Variants in MFHAS1 observed in about 807,000 individuals in gnomAD.
The protein encoded by MFHAS1 is multifunctional ROCO family signaling regulator 1, also known as malignant fibrous histiocytoma-amplified sequence 1.
MFHAS1 carries 50 observed loss-of-function variants against 70.4 expected under a neutral mutation model. That is an observed-to-expected ratio of 0.71 (90% CI 0.57 to 0.90). The LOEUF is 0.90. MFHAS1 is among the 40% of genes least tolerant of loss of function. MFHAS1 has a pLI of 0.00. For missense variants in MFHAS1, 1,795 were observed against 1,347.6 expected (o/e 1.33, Z -5.20); for synonymous variants, 952 against 620.0 (o/e 1.54, Z -7.96).
intron 1 of MFHAS1, among the ~76,000 whole-genome samples, chr8:8,860,303 T>G (rs1181068907): frequency 6.6e-6 from 1 of 152,134 alleles, no homozygotes; most frequent in African/African-American, 2.4e-5. Context: ...GTCAACAATC[T>G]CATCTGACTG....
chr8:8,808,556 AG>A (rs1354617106), intron 1 of MFHAS1, among the ~76,000 whole-genome samples: 1 of 152,254 alleles, frequency 6.6e-6, no homozygotes, highest in African/African-American at 2.4e-5. Context: ...TAATAAGGAA[AG>A]AAAAAAAATT....
At chr8:8,807,170 G>A (rs576968496) in intron 1 of MFHAS1, among the ~76,000 whole-genome samples, 1 of 152,226 alleles carries the variant, frequency 6.6e-6, no homozygotes, top group African/African-American at 2.4e-5. Context: ...AACCACAAGG[G>A]CAGGGACTAT....
chr8:8,786,161 T>C, intron 2 of MFHAS1, 106 bp from the exon 3 acceptor site: 1 of 1,075,870 alleles, frequency 9.3e-7, no homozygotes, highest in African/African-American at 1.6e-5. Flanking sequence ...TTTCTGCACA[T>C]ATTTTCATTT....
intron 1 of MFHAS1, among the ~76,000 whole-genome samples, chr8:8,843,473 C>A (rs990641168): frequency 1.3e-5 from 2 of 152,100 alleles, no homozygotes; most frequent in Non-Finnish European, 2.9e-5. Context: ...CCCAGCTACT[C>A]AGGATGCTGA....
At chr8:8,787,940 C>T (rs746589532) in intron 2 of MFHAS1, among the ~76,000 whole-genome samples, 4 of 152,186 alleles carry the variant, frequency 2.6e-5, no homozygotes, top group East Asian at 3.8e-4. Context: ...TTAGAGAAAA[C>T]AACCATCAAA....
At chr8:8,820,962 T>C (rs574049516) in intron 1 of MFHAS1, among the ~76,000 whole-genome samples, 7 of 152,258 alleles carry the variant, frequency 4.6e-5, no homozygotes, top group Admixed American at 1.3e-4. Flanking sequence ...AAGCAAGACC[T>C]GGCAATGCTT....
intron 1 of MFHAS1, among the ~76,000 whole-genome samples, chr8:8,882,110 G>C (rs1024847642): frequency 7.2e-5 from 11 of 152,166 alleles, no homozygotes; most frequent in African/African-American, 2.4e-4. Flanking sequence ...GCCGAGCATG[G>C]TGGCTCACAC....
intron 1 of MFHAS1, among the ~76,000 whole-genome samples, chr8:8,872,077 C>T (rs750034353): frequency 1.3e-5 from 2 of 152,128 alleles, no homozygotes; most frequent in Non-Finnish European, 2.9e-5. Context: ...TAAACATGCC[C>T]GGATGGCAAG....
intron 1 of MFHAS1, among the ~76,000 whole-genome samples, chr8:8,820,406 A>G (rs1806909608): frequency 1.3e-5 from 2 of 152,302 alleles, no homozygotes; most frequent in South Asian, 4.1e-4. Flanking sequence ...GAATCAAGCC[A>G]TAAGCATAAC....
In MFHAS1 at chr8:8,793,616, A is replaced by G. The variant is rs17154748; in HGVS notation, c.3125+3749T>C. Among the ~76,000 whole-genome samples the G allele has an allele frequency of 8.3e-3, 1,270 of 152,318 alleles. 20 individuals carry two copies. Among genetic ancestry groups the G allele is most frequent in the African/African-American group, 0.029 (1,198 of 41,558 alleles). ...CCTCTCCTGATTTGAACAGTGAGTG[A>G]TATGTTCACCTTACCTGAGAGTGGG... On this transcript the variant is annotated intron_variant, in intron 2 of 2. Coordinates refer to ENST00000276282, the MANE Select transcript of MFHAS1 (RefSeq NM_004225.3).
chr8:8,819,220 G>C (rs1464487520), intron 1 of MFHAS1, among the ~76,000 whole-genome samples: 1 of 152,124 alleles, frequency 6.6e-6, no homozygotes, highest in Non-Finnish European at 1.5e-5. Flanking sequence ...TGGGGTGGGA[G>C]ACTTTCTCTC....
chr8:8,812,216 T>C (rs1261578734), intron 1 of MFHAS1, among the ~76,000 whole-genome samples: 2 of 152,054 alleles, frequency 1.3e-5, no homozygotes, highest in Admixed American at 6.6e-5. Context: ...TAGTTGCAAA[T>C]GGCTTCCTTT....
At position 8,884,191 on chromosome 8, in the gene MFHAS1, T is replaced by G. The variant is rs409316; in HGVS notation, c.2998+5870A>C. On this transcript the variant is annotated intron_variant, in intron 1 of 2. Transcript: ENST00000276282. ...GGTTTAAAGAAGAGGCACCTAATAT[T>G]TAAAATAATTCAAATACTCCAAAGG... Among the ~76,000 whole-genome samples, 647 of 152,264 alleles carry G rather than the reference T, an allele frequency of 4.2e-3. 6 individuals are homozygous for G. The highest frequency in any genetic ancestry group is 0.015 in the African/African-American group (604 of 41,562).
At chr8:8,815,315 T>C (rs1321196698) in intron 1 of MFHAS1, among the ~76,000 whole-genome samples, 1 of 152,218 alleles carries the variant, frequency 6.6e-6, no homozygotes, top group African/African-American at 2.4e-5. Context: ...TGAATAGTGC[T>C]GCGATGAACA....
At chr8:8,880,997 G>C (rs189043807) in intron 1 of MFHAS1, among the ~76,000 whole-genome samples, 1 of 152,218 alleles carries the variant, frequency 6.6e-6, no homozygotes, top group African/African-American at 2.4e-5. Flanking sequence ...ACCTTCCTAA[G>C]ATGGGTGAAA....
At chr8:8,831,755 T>G (rs974557802) in intron 1 of MFHAS1, among the ~76,000 whole-genome samples, 2 of 151,994 alleles carry the variant, frequency 1.3e-5, no homozygotes, top group African/African-American at 4.8e-5. Flanking sequence ...ATTACAGGCA[T>G]GCGCCACCAC....
At chr8:8,878,757 A>G (rs1156842988) in intron 1 of MFHAS1, among the ~76,000 whole-genome samples, 1 of 152,158 alleles carries the variant, frequency 6.6e-6, no homozygotes, top group Non-Finnish European at 1.5e-5. Flanking sequence ...AAAATTCACT[A>G]CTGCTATAAC....
intron 1 of MFHAS1, 71 bp downstream of exon 1, chr8:8,889,990 T>C: frequency 7.7e-7 from 1 of 1,296,254 alleles, no homozygotes; most frequent in East Asian, 2.3e-5. Flanking sequence ...TTCTGCCAAA[T>C]GACAACCAAG....
rs1261413136 is a variant in MFHAS1, at chr8:8,786,000, G to C, written c.*22C>G. 6.2e-7 allele frequency: 1 copy of C among 1,613,718 alleles called. No homozygotes were observed. The highest frequency in any genetic ancestry group is 8.5e-7 in the Non-Finnish European group (1 of 1,179,716). ...TGTTCAGATGCTCTCTTTTCTCCAT[G>C]GAAATTCCACAGCCACAAACGTCAC... On this transcript the variant is annotated 3_prime_UTR_variant, in exon 3 of 3. Coordinates refer to ENST00000276282, the MANE Select transcript of MFHAS1 (RefSeq NM_004225.3).
Sources: gnomAD v4.1 joint callset for allele counts (sites outside exome capture counted in the v4.1 genomes callset) on GRCh38, gnomAD v4.1.1 for gene constraint, MANE v1.5 for transcripts, NCBI Gene and HGNC (gene_info 2026-07-23, HGNC 2026-07-21) for gene names.